The following TIAM2 variants were observed in gnomAD, a reference collection of about 807,000 sequenced individuals.
TIAM2 encodes TIAM Rac1 associated GEF 2, also known as rho guanine nucleotide exchange factor TIAM2.
Under a neutral mutation model 152.9 loss-of-function variants are expected in TIAM2, and 80 were observed. The observed-to-expected ratio is 0.52, with a 90% confidence interval of 0.44 to 0.63. TIAM2 has a LOEUF of 0.63. Among genes scored for constraint, TIAM2 ranks in the 30% least tolerant of loss-of-function variants. The pLI is 0.00. For synonymous variants in TIAM2, 804 were observed against 838.0 expected, an observed-to-expected ratio of 0.96 and a Z score of 0.70; for missense variants, 1,965 against 2,120.1, an observed-to-expected ratio of 0.93 and a Z score of 1.44.
At position 155,165,260 on chromosome 6, in the gene TIAM2, T is replaced by G; in HGVS notation, c.2215-3T>G. ...ATTTTTTTTAAACTGTGTTTTACAT[T>G]AGGTATGTTCTAGAGATGACTCTGC... On this transcript the variant is annotated splice_region_variant and splice_polypyrimidine_tract_variant and intron_variant, in intron 8 of 26. Coordinates refer to ENST00000682666, the MANE Select transcript of TIAM2 (RefSeq NM_012454.4). The G allele has an allele frequency of 6.2e-7, 1 of 1,602,286 alleles. No homozygotes were observed. The highest frequency in any genetic ancestry group is 1.1e-5 in the South Asian group (1 of 88,654).
intron 9 of TIAM2, among the ~76,000 whole-genome samples, chr6:155,168,382 C>T (rs1780495259): frequency 6.6e-6 from 1 of 150,908 alleles, no homozygotes; most frequent in African/African-American, 2.4e-5. Context: ...TTATTTGATA[C>T]AGTCTCGTGC....
chr6:155,225,349 G>A (rs1009758088), intron 15 of TIAM2, among the ~76,000 whole-genome samples: 1 of 152,180 alleles, frequency 6.6e-6, no homozygotes, highest in Non-Finnish European at 1.5e-5. Context: ...AGGACAGGTT[G>A]GTGCTCTGCC....
intron 15 of TIAM2, among the ~76,000 whole-genome samples, chr6:155,234,392 G>C (rs6932115): frequency 0.51 from 77,786 of 152,102 alleles, 20,972 homozygotes; most frequent in African/African-American, 0.6. Flanking sequence ...CCTCAGCATC[G>C]TTAGTGGCTG....
At chr6:155,231,792 G>C (rs1372499190) in intron 15 of TIAM2, among the ~76,000 whole-genome samples, 1 of 152,260 alleles carries the variant, frequency 6.6e-6, no homozygotes, top group East Asian at 1.9e-4. Flanking sequence ...AGCATCATCT[G>C]TGTTGGGCAT....
At chr6:155,235,183 A>G (rs1782690751) in intron 15 of TIAM2, among the ~76,000 whole-genome samples, 1 of 152,238 alleles carries the variant, frequency 6.6e-6, no homozygotes, top group Non-Finnish European at 1.5e-5. Context: ...GTTCTGTGAG[A>G]AACCTCCCAA....
chr6:155,123,273 T>C (rs1352344099), intron 2 of TIAM2, among the ~76,000 whole-genome samples: 1 of 152,190 alleles, frequency 6.6e-6, no homozygotes, highest in Non-Finnish European at 1.5e-5. Context: ...TTGTTCTATA[T>C]TTCTGTCACT....
chr6:155,155,056 G>A (rs1780072462), intron 7 of TIAM2, among the ~76,000 whole-genome samples: 1 of 152,230 alleles, frequency 6.6e-6, no homozygotes, highest in African/African-American at 2.4e-5. Flanking sequence ...GGGAGATAAA[G>A]TCAGATTGTG....
At chr6:155,202,441 C>G (rs1045004769) in intron 14 of TIAM2, among the ~76,000 whole-genome samples, 2 of 152,156 alleles carry the variant, frequency 1.3e-5, no homozygotes, top group African/African-American at 2.4e-5. Flanking sequence ...GTTTTAAAAG[C>G]AAGGTCTCAC....
At chr6:155,003,866 A>G (rs1562286955) in intron 1 of TIAM2, among the ~76,000 whole-genome samples, 1 of 152,162 alleles carries the variant, frequency 6.6e-6, no homozygotes, top group African/African-American at 2.4e-5. Context: ...CTGTACTCCC[A>G]GCTACTCAGG....
chr6:155,086,197 T>C (rs1035062337), intron 1 of TIAM2, among the ~76,000 whole-genome samples: 2 of 152,212 alleles, frequency 1.3e-5, no homozygotes, highest in Non-Finnish European at 2.9e-5. Flanking sequence ...AAGAGCATTC[T>C]TGGAACCAGT....
rs745557305 is a variant in TIAM2, at chr6:155,164,421, C to T, written c.2035C>T (p.Gln679Ter). The change falls in exon 8 of 27, where the codon CAA becomes TAA. Residue 679 changes from glutamine to a stop codon, truncating the protein, a stop_gained. Coordinates refer to ENST00000682666, the MANE Select transcript of TIAM2 (RefSeq NM_012454.4). LOFTEE classifies it high-confidence loss of function. ...CCTCTGTTTTTGCTTTAAGATCCAG[C>T]AATGGGAGCAGAATCTTGAGAAATT... ...NRKAIENQIQ[Q>*]WEQNLEKFHM... 3 of 1,579,364 alleles carry T rather than the reference C, an allele frequency of 1.9e-6. No homozygotes were observed. Among genetic ancestry groups the T allele is most frequent in the South Asian group, 1.1e-5 (1 of 87,026 alleles).
intron 3 of TIAM2, among the ~76,000 whole-genome samples, chr6:155,128,396 C>T (rs1258324219): frequency 4.6e-5 from 7 of 151,982 alleles, no homozygotes; most frequent in Non-Finnish European, 1.0e-4. Context: ...TACCTGGTGT[C>T]ATGTTATAAA....
chr6:155,244,586 G>T, intron 17 of TIAM2, 72 bp from the exon 18 acceptor site: 3 of 1,517,008 alleles, frequency 2.0e-6, no homozygotes, highest in Admixed American at 2.1e-5. Context: ...TTTATTTGTG[G>T]GCCTAAGAGT....
At chr6:155,006,421 C>A (rs1468635772) in intron 1 of TIAM2, among the ~76,000 whole-genome samples, 2 of 151,670 alleles carry the variant, frequency 1.3e-5, no homozygotes, top group African/African-American at 2.4e-5. Flanking sequence ...GTAATCCTAG[C>A]ACTTTGGGAG....
At chr6:155,225,362 C>A (rs922709928) in intron 15 of TIAM2, among the ~76,000 whole-genome samples, 17 of 152,182 alleles carry the variant, frequency 1.1e-4, no homozygotes, top group Admixed American at 8.5e-4. Flanking sequence ...GCTCTGCCTT[C>A]CTCTCATTTG....
At chr6:155,216,461 C>T (rs1256397493) in intron 15 of TIAM2, among the ~76,000 whole-genome samples, 4 of 152,218 alleles carry the variant, frequency 2.6e-5, no homozygotes, top group East Asian at 1.9e-4. Flanking sequence ...TTGACAGCCC[C>T]GCAATTTCTG....
At chr6:155,223,498 G>C (rs1231657088) in intron 15 of TIAM2, among the ~76,000 whole-genome samples, 2 of 148,730 alleles carry the variant, frequency 1.3e-5, no homozygotes, top group African/African-American at 5.0e-5. Flanking sequence ...TATTGATGAT[G>C]GTGGTTAGAC....
intron 1 of TIAM2, among the ~76,000 whole-genome samples, chr6:155,084,936 C>G (rs758841532): frequency 3.3e-5 from 5 of 152,016 alleles, no homozygotes; most frequent in Non-Finnish European, 5.9e-5. Flanking sequence ...TACCTAATGC[C>G]TTGGAATAAG....
chr6:155,029,309 GTTATATATACTATA>G, intron 1 of TIAM2, among the ~76,000 whole-genome samples: 2 of 115,166 alleles, frequency 1.7e-5, no homozygotes, highest in African/African-American at 6.4e-5. Context: ...TGTACTATGT[GTTATATATACTATA>G]TGTACTATGT....
Sources: allele counts gnomAD v4.1 joint callset (sites outside exome capture counted in the v4.1 genomes callset), GRCh38; gene constraint gnomAD v4.1.1; transcripts MANE v1.5; gene names NCBI Gene and HGNC (gene_info 2026-07-23, HGNC 2026-07-21).